The following COL13A1 variants were observed in gnomAD, a reference collection of about 807,000 sequenced individuals.
COL13A1 encodes collagen alpha-1(XIII) chain.
In COL13A1, 89 loss-of-function variants were observed where a neutral mutation model predicts 130.9. That is an observed-to-expected ratio of 0.68 (90% confidence interval 0.57 to 0.81). The LOEUF is 0.81. Among genes scored for constraint, COL13A1 ranks in the 30% least tolerant of loss-of-function variants. The probability of loss-of-function intolerance (pLI) is 0.00; values close to 1 mark genes in which losing one functional copy is unlikely to be tolerated. For synonymous variants in COL13A1, 402 were observed against 341.6 expected, an observed-to-expected ratio of 1.18 and a Z score of -1.95; for missense variants, 879 against 934.6, an observed-to-expected ratio of 0.94 and a Z score of 0.78.
chr10:69,954,892 T>G (rs2070339785), intron 39 of COL13A1: 1 of 152,196 alleles, frequency 6.6e-6, no homozygotes, highest in South Asian at 2.1e-4. Flanking sequence ...CCAGGCGAAG[T>G]GGTAGCAGTT....
At chr10:69,878,568 G>A (rs1477129962) in intron 6 of COL13A1, among the ~76,000 whole-genome samples, 5 of 151,944 alleles carry the variant, frequency 3.3e-5, no homozygotes, top group East Asian at 1.9e-4. Context: ...TGCAACCTCC[G>A]TCTCCTGGGT....
chr10:69,850,857 G>T (rs192292737), intron 2 of COL13A1, among the ~76,000 whole-genome samples: 8 of 152,256 alleles, frequency 5.3e-5, no homozygotes, highest in Admixed American at 1.3e-4. Context: ...CCCCAAGGGG[G>T]CCAGGCCATG....
chr10:69,881,971 G>A (rs1021807611), intron 7 of COL13A1, among the ~76,000 whole-genome samples: 4 of 152,210 alleles, frequency 2.6e-5, no homozygotes, highest in Admixed American at 6.5e-5. Flanking sequence ...TGCAGTCATA[G>A]ACGGGCCAGG....
chr10:69,938,090 C>T (rs988332592), intron 34 of COL13A1, among the ~76,000 whole-genome samples: 1 of 152,216 alleles, frequency 6.6e-6, no homozygotes, highest in African/African-American at 2.4e-5. Context: ...CCATTACAGT[C>T]CATTTTCCCA....
chr10:69,827,675 C>T (rs1847823011), intron 2 of COL13A1, among the ~76,000 whole-genome samples: 1 of 152,156 alleles, frequency 6.6e-6, no homozygotes, highest in South Asian at 2.1e-4. Context: ...CTGCTATTTA[C>T]CTTTGGGTTG....
At chr10:69,932,727 T>A (rs74139244) in intron 31 of COL13A1, 123 bp downstream of exon 31, 2 of 674,632 alleles carry the variant, frequency 3.0e-6, no homozygotes, top group Admixed American at 4.2e-5. Flanking sequence ...AGCACCACCA[T>A]AGGTCAGGCA....
At chr10:69,936,622 AC>A in intron 32 of COL13A1, 133 bp from the exon 33 acceptor site, 1 of 918,380 alleles carries the variant, frequency 1.1e-6, no homozygotes, top group Non-Finnish European at 1.7e-6. Flanking sequence ...ATTTCTTTCT[AC>A]CTCTCATGGG....
chr10:69,916,794 A>G (rs2063970659), intron 17 of COL13A1, among the ~76,000 whole-genome samples: 1 of 152,092 alleles, frequency 6.6e-6, no homozygotes, highest in Non-Finnish European at 1.5e-5. Context: ...AGGGAAAGGA[A>G]CCCCAGATGA....
chr10:69,917,349 C>T lies in COL13A1; in HGVS notation c.966+16C>T, dbSNP rs2064049877. ...TGGAGCCAAGGTACCTCCCCCTTCC[C>T]CACATCCCAGGCAGCCCCAAGGCCC... On this transcript the variant is annotated intron_variant, in intron 18 of 40. Transcript: ENST00000645393. The T allele has an allele frequency of 2.5e-6, 4 of 1,611,152 alleles. No individual in the cohort carries two copies. Among genetic ancestry groups the T allele is most frequent in the Non-Finnish European group, 3.4e-6 (4 of 1,178,764 alleles).
rs893075255 is a variant in COL13A1, at chr10:69,930,158, A to G, written c.1530+71A>G. On this transcript the variant is annotated intron_variant, in intron 29 of 40. Coordinates refer to ENST00000645393, the MANE Select transcript of COL13A1 (RefSeq NM_001368882.1). ...CCCTGGGGGCAGGAGGTCGGGCAGGAAGGCTCTAGAATTGGCCCTGGTGTG... is the reference window on the plus strand; with the variant it reads ...CCCTGGGGGCAGGAGGTCGGGCAGGGAGGCTCTAGAATTGGCCCTGGTGTG... 124 of 1,520,228 alleles carry G rather than the reference A, an allele frequency of 8.2e-5. 1 individual carries two copies. Among genetic ancestry groups the G allele is most frequent in the Non-Finnish European group, 8.7e-5 (96 of 1,101,654 alleles). The allele number at this position is 1,520,228 out of a possible 1,614,324, so 94.2% of individuals were successfully genotyped here.
intron 35 of COL13A1, among the ~76,000 whole-genome samples, chr10:69,941,798 G>A (rs3793820): frequency 1.7e-3 from 266 of 152,232 alleles, no homozygotes; most frequent in East Asian, 8.9e-3. Flanking sequence ...GTCCACCTCC[G>A]GTCCCTCCCG....
intron 17 of COL13A1, among the ~76,000 whole-genome samples, chr10:69,916,643 G>A (rs1199293367): frequency 1.3e-5 from 2 of 152,216 alleles, no homozygotes; most frequent in African/African-American, 4.8e-5. Flanking sequence ...CGATGGTAGA[G>A]CGACCCCATG....
At chr10:69,815,278 T>C (rs1589192392) in intron 1 of COL13A1, among the ~76,000 whole-genome samples, 1 of 151,868 alleles carries the variant, frequency 6.6e-6, no homozygotes, top group African/African-American at 2.4e-5. Flanking sequence ...AGGGAGGGAG[T>C]GTTCCCTAAA....
intron 2 of COL13A1, among the ~76,000 whole-genome samples, chr10:69,864,269 C>T (rs1258444896): frequency 6.6e-6 from 1 of 152,098 alleles, no homozygotes; most frequent in African/African-American, 2.4e-5. Context: ...AGTTACCATG[C>T]TTAGCACTGT....
At chr10:69,937,592 G>T (rs1268487367) in intron 33 of COL13A1, 43 bp from the exon 34 acceptor site, 1 of 923,692 alleles carries the variant, frequency 1.1e-6, no homozygotes. Flanking sequence ...AATTGTCTGG[G>T]ACATGTCCTT....
intron 21 of COL13A1, among the ~76,000 whole-genome samples, chr10:69,920,242 A>T (rs1458451450): frequency 6.6e-6 from 1 of 152,244 alleles, no homozygotes; most frequent in Non-Finnish European, 1.5e-5. Flanking sequence ...TCCCACTGGA[A>T]TGAATGTTCA....
intron 10 of COL13A1, 137 bp from the exon 11 acceptor site, chr10:69,894,415 T>A: frequency 1.1e-6 from 1 of 938,146 alleles, no homozygotes; most frequent in Non-Finnish European, 1.6e-6. Flanking sequence ...ATCTTGAATG[T>A]GGTGGGCATG....
At chr10:69,904,449 C>T (rs1417471485) in intron 15 of COL13A1, among the ~76,000 whole-genome samples, 1 of 152,222 alleles carries the variant, frequency 6.6e-6, no homozygotes. Flanking sequence ...CCTGGCCTCT[C>T]CCTCGGCTCA....
At chr10:69,878,000 T>C (rs1373936824) in intron 5 of COL13A1, 39 bp from the exon 6 acceptor site, 2 of 702,404 alleles carry the variant, frequency 2.8e-6, no homozygotes, top group African/African-American at 1.7e-5. Context: ...CTCCCCTCCT[T>C]TCCCTTCCTG....
Sources: allele counts gnomAD v4.1 joint callset (sites outside exome capture counted in the v4.1 genomes callset), GRCh38; gene constraint gnomAD v4.1.1; transcripts MANE v1.5; gene names NCBI Gene and HGNC (gene_info 2026-07-23, HGNC 2026-07-21).